Variants in FHOD3 observed in about 807,000 individuals in gnomAD.
The protein encoded by FHOD3 is formin homology 2 domain containing 3.
Under a neutral mutation model 173.0 loss-of-function variants are expected in FHOD3, and 90 were observed. That is an observed-to-expected ratio of 0.52 (90% CI 0.44 to 0.62). The LOEUF (loss-of-function observed/expected upper bound fraction) is 0.62. Ranked by LOEUF, FHOD3 falls within the 20% of genes least tolerant of loss-of-function variation. The pLI is 0.00. For synonymous variants in FHOD3, 828 were observed against 823.0 expected (o/e 1.01, Z -0.10); for missense variants, 1,945 against 2,034.7 (o/e 0.96, Z 0.85).
intron 7 of FHOD3, among the ~76,000 whole-genome samples, chr18:36,595,364 C>T (rs551331759): frequency 2.0e-5 from 3 of 152,196 alleles, no homozygotes; most frequent in Non-Finnish European, 4.4e-5. Context: ...TGGCCACCCT[C>T]CCAAACAGTT....
intron 1 of FHOD3, among the ~76,000 whole-genome samples, chr18:36,321,039 T>C (rs2044366960): frequency 6.6e-6 from 1 of 151,770 alleles, no homozygotes; most frequent in South Asian, 2.1e-4. Flanking sequence ...ACACCTCCAG[T>C]GTTCCTTCCT....
intron 14 of FHOD3, among the ~76,000 whole-genome samples, chr18:36,660,420 C>T (rs957978460): frequency 6.6e-6 from 1 of 152,132 alleles, no homozygotes. Context: ...TTGTTAGTAG[C>T]ATAGAACAAG....
intron 2 of FHOD3, among the ~76,000 whole-genome samples, chr18:36,364,401 C>T (rs539673750): frequency 3.3e-5 from 5 of 152,254 alleles, no homozygotes; most frequent in East Asian, 3.9e-4. Flanking sequence ...AGGGAGTGCA[C>T]GCCCATTTCT....
intron 5 of FHOD3, among the ~76,000 whole-genome samples, chr18:36,545,459 G>A (rs1480977314): frequency 6.6e-6 from 1 of 152,190 alleles, no homozygotes; most frequent in Non-Finnish European, 1.5e-5. Context: ...CCAGCTGGAG[G>A]TAAATCTGCA....
chr18:36,494,840 T>A (rs73423272), intron 3 of FHOD3, among the ~76,000 whole-genome samples: 1,792 of 152,308 alleles, frequency 0.012, 44 homozygotes, highest in African/African-American at 0.041. Flanking sequence ...GTTTTACTGT[T>A]ATACTTTTTT....
At chr18:36,418,046 A>C (rs549087429) in intron 3 of FHOD3, among the ~76,000 whole-genome samples, 4 of 152,350 alleles carry the variant, frequency 2.6e-5, no homozygotes, top group African/African-American at 9.6e-5. Flanking sequence ...ATAATTTTTC[A>C]TATCACGAGG....
intron 27 of FHOD3, among the ~76,000 whole-genome samples, chr18:36,763,801 G>A (rs573529734): frequency 6.6e-6 from 1 of 152,156 alleles, no homozygotes; most frequent in African/African-American, 2.4e-5. Context: ...ACAGATGACA[G>A]GGTGGAAAAA....
intron 14 of FHOD3, among the ~76,000 whole-genome samples, chr18:36,676,514 T>C (rs1219162249): frequency 6.6e-6 from 1 of 152,232 alleles, no homozygotes; most frequent in Non-Finnish European, 1.5e-5. Context: ...CTATCTTCTT[T>C]ATGCATGCAA....
At chr18:36,564,462 G>A (rs749840899) in intron 5 of FHOD3, among the ~76,000 whole-genome samples, 5 of 152,162 alleles carry the variant, frequency 3.3e-5, no homozygotes, top group Non-Finnish European at 7.3e-5. Context: ...GGCTGCTACA[G>A]CCCAGCAGTA....
At chr18:36,513,080 T>C (rs2055750173) in intron 5 of FHOD3, among the ~76,000 whole-genome samples, 1 of 152,106 alleles carries the variant, frequency 6.6e-6, no homozygotes. Context: ...GATGCAAATG[T>C]AGAGTTTGAA....
At chr18:36,444,549 C>T (rs1024616858) in intron 3 of FHOD3, among the ~76,000 whole-genome samples, 3 of 152,158 alleles carry the variant, frequency 2.0e-5, no homozygotes, top group Non-Finnish European at 2.9e-5. Flanking sequence ...CTTTCTCCCC[C>T]TCTTCTTTCC....
Position 36,382,043 on chromosome 18 carries a change from C to G in FHOD3, c.337+9299C>G, listed in dbSNP as rs73949455. The stretch of plus-strand genomic sequence containing the variant: ...ACATGCCGGGCAGGGCTCCATGGTG[C>G]CAGCCATCGCAGTGGGGCCCAGGTC... On this transcript the variant is annotated intron_variant, in intron 3 of 28. Coordinates refer to ENST00000590592, the MANE Select transcript of FHOD3 (RefSeq NM_001281740.3). Among the ~76,000 whole-genome samples the G allele has an allele frequency of 5.3e-3, 807 of 152,250 alleles. 9 individuals carry two copies. Among genetic ancestry groups the G allele is most frequent in the African/African-American group, 0.018 (760 of 41,536 alleles).
intron 10 of FHOD3, among the ~76,000 whole-genome samples, chr18:36,638,452 C>T (rs141723537): frequency 4.0e-4 from 61 of 152,300 alleles, no homozygotes; most frequent in Admixed American, 9.8e-4. Context: ...GGTTATTAGT[C>T]AGCATGTGAG....
chr18:36,347,542 T>G (rs2045931237), intron 1 of FHOD3, among the ~76,000 whole-genome samples: 2 of 152,230 alleles, frequency 1.3e-5, no homozygotes, highest in African/African-American at 4.8e-5. Flanking sequence ...ACATAACTTA[T>G]TAAATATTTC....
intron 3 of FHOD3, among the ~76,000 whole-genome samples, chr18:36,415,354 G>T (rs2049579991): frequency 6.6e-6 from 1 of 152,186 alleles, no homozygotes; most frequent in Non-Finnish European, 1.5e-5. Context: ...CAGCAAAATT[G>T]ACTTAGGAGG....
intron 3 of FHOD3, among the ~76,000 whole-genome samples, chr18:36,389,906 G>A (rs1372001158): frequency 1.3e-5 from 2 of 152,100 alleles, no homozygotes; most frequent in Non-Finnish European, 2.9e-5. Context: ...AAGGTCACCT[G>A]CCCCTGTGGT....
intron 11 of FHOD3, 121 bp downstream of exon 11, chr18:36,649,526 C>T (rs966829082): frequency 1.2e-5 from 8 of 657,064 alleles, no homozygotes; most frequent in African/African-American, 5.5e-5. Flanking sequence ...CAAACTCTTA[C>T]TTACCCTGTT....
At chr18:36,510,952 C>T (rs1233576186) in intron 4 of FHOD3, among the ~76,000 whole-genome samples, 15 of 152,138 alleles carry the variant, frequency 9.9e-5, no homozygotes, top group African/African-American at 2.4e-5. Flanking sequence ...AGCCTGGCCA[C>T]ATTTACCTGG....
chr18:36,535,345 C>T (rs1037978662), intron 5 of FHOD3, among the ~76,000 whole-genome samples: 3 of 152,152 alleles, frequency 2.0e-5, no homozygotes, highest in Non-Finnish European at 4.4e-5. Context: ...TGCTGGTATC[C>T]CAAGGGCTGG....
Sources: gnomAD v4.1 joint callset for allele counts (sites outside exome capture counted in the v4.1 genomes callset) on GRCh38, gnomAD v4.1.1 for gene constraint, MANE v1.5 for transcripts, NCBI Gene and HGNC (gene_info 2026-07-23, HGNC 2026-07-21) for gene names.